CSRNP3: variants seen among roughly 807,000 people sequenced by gnomAD.
CSRNP3 encodes cysteine and serine rich nuclear protein 3.
A neutral mutation model predicts 48.0 loss-of-function variants in CSRNP3; 12 were observed. That is an observed-to-expected ratio of 0.25 (90% CI 0.16 to 0.41). The LOEUF (loss-of-function observed/expected upper bound fraction) is 0.41. Ranked by LOEUF, CSRNP3 falls within the 10% of genes least tolerant of loss-of-function variation. The pLI, the probability that CSRNP3 is intolerant of heterozygous loss-of-function variation, is 1.00. For missense variants in CSRNP3, 580 were observed against 724.4 expected (o/e 0.80, Z 2.29); for synonymous variants, 263 against 269.7 (o/e 0.98, Z 0.24).
intron 4 of CSRNP3, among the ~76,000 whole-genome samples, chr2:165,633,202 T>C (rs1171679601): frequency 6.6e-6 from 1 of 152,178 alleles, no homozygotes; most frequent in East Asian, 1.9e-4. Context: ...GACTTAATAA[T>C]GTAATGTTAT....
At chr2:165,606,194 T>G (rs943386446) in intron 4 of CSRNP3, among the ~76,000 whole-genome samples, 3 of 149,560 alleles carry the variant, frequency 2.0e-5, no homozygotes, top group African/African-American at 7.4e-5. Context: ...ACTGTGAAAA[T>G]TATTATGTAT....
rs1351307025 is a variant in CSRNP3, at chr2:165,679,455, C to G, written c.1460C>G (p.Ala487Gly). The change falls in exon 7 of 7, where the codon GCC (alanine) becomes GGC (glycine). Residue 487 changes from alanine to glycine, a missense_variant. Ala to Gly is a moderately conservative substitution (Grantham distance 60). Coordinates refer to ENST00000651982, the MANE Select transcript of CSRNP3 (RefSeq NM_001172173.2). Reference sequence around the variant, plus strand: ...GACTATGCCCGACAAGCAGAAGAGGCCTATGGTGCCTCCCACTACCCAGCT... The same window carrying G: ...GACTATGCCCGACAAGCAGAAGAGGGCTATGGTGCCTCCCACTACCCAGCT... ...FVDYARQAEE[A>G]YGASHYPAAN... The G allele has an allele frequency of 1.2e-6, 2 of 1,613,232 alleles. No homozygotes were observed. Among genetic ancestry groups the G allele is most frequent in the Non-Finnish European group, 1.7e-6 (2 of 1,179,876 alleles).
chr2:165,483,835 A>G (rs1230912489), intron 1 of CSRNP3, among the ~76,000 whole-genome samples: 1 of 152,154 alleles, frequency 6.6e-6, no homozygotes, highest in African/African-American at 2.4e-5. Flanking sequence ...TATGTCCCCA[A>G]AGCTCCAGCC....
intron 4 of CSRNP3, among the ~76,000 whole-genome samples, chr2:165,605,302 T>G (rs1382165120): frequency 6.6e-6 from 1 of 152,068 alleles, no homozygotes; most frequent in African/African-American, 2.4e-5. Context: ...CAAATTTCCT[T>G]ACCCTAAAAT....
At chr2:165,614,507 T>G (rs1304066093) in intron 4 of CSRNP3, among the ~76,000 whole-genome samples, 3 of 152,200 alleles carry the variant, frequency 2.0e-5, no homozygotes, top group Non-Finnish European at 4.4e-5. Flanking sequence ...CTTTTTCCCG[T>G]TTTTAGAGTA....
chr2:165,504,547 C>T (rs888414132), intron 2 of CSRNP3, among the ~76,000 whole-genome samples: 1 of 152,002 alleles, frequency 6.6e-6, no homozygotes, highest in Non-Finnish European at 1.5e-5. Context: ...CACTTCCATG[C>T]CATGTAACAA....
chr2:165,620,044 A>G (rs567424804), intron 4 of CSRNP3, among the ~76,000 whole-genome samples: 3 of 152,294 alleles, frequency 2.0e-5, no homozygotes, highest in South Asian at 4.1e-4. Context: ...AAGCAAAAAT[A>G]CTTAGTTGCA....
intron 4 of CSRNP3, among the ~76,000 whole-genome samples, chr2:165,637,905 AATGTACTATT>A (rs1553481978): frequency 6.6e-6 from 1 of 152,182 alleles, no homozygotes; most frequent in Non-Finnish European, 1.5e-5. Context: ...TATTTTTTAA[AATGTACTATT>A]ATATAGTTGC....
intron 2 of CSRNP3, among the ~76,000 whole-genome samples, chr2:165,500,420 T>TACAC (rs60600698): frequency 3.9e-4 from 55 of 142,408 alleles, no homozygotes; most frequent in African/African-American, 1.2e-3. Flanking sequence ...CATATATATA[T>TACAC]ACACACACAC....
chr2:165,679,560 A>G lies in CSRNP3; in HGVS notation c.1565A>G (p.His522Arg). The part of the protein sequence containing the change: ...GVPCNSLYPE[H>R]RSNHPQVEFH... Reference sequence around the variant, plus strand: ...CCCTGCAATAGTTTATATCCTGAACACAGGTCCAATCACCCTCAAGTGGAA... The same window carrying G: ...CCCTGCAATAGTTTATATCCTGAACGCAGGTCCAATCACCCTCAAGTGGAA... The change falls in exon 7 of 7, where the codon CAC (histidine) becomes CGC (arginine). Residue 522 changes from histidine to arginine, a missense_variant. Transcript: ENST00000651982. 1 of 1,613,968 alleles carries G rather than the reference A, an allele frequency of 6.2e-7. No homozygotes were observed.
At chr2:165,495,936 G>A (rs1684278268) in intron 2 of CSRNP3, among the ~76,000 whole-genome samples, 1 of 151,902 alleles carries the variant, frequency 6.6e-6, no homozygotes, top group Admixed American at 6.6e-5. Context: ...TATGGCACAT[G>A]TATACCTATG....
At chr2:165,514,932 AT>A (rs896347503) in intron 2 of CSRNP3, among the ~76,000 whole-genome samples, 5 of 152,268 alleles carry the variant, frequency 3.3e-5, no homozygotes, top group Admixed American at 1.3e-4. Context: ...CATGAGATTT[AT>A]TTTTATATCC....
intron 4 of CSRNP3, among the ~76,000 whole-genome samples, 190 bp downstream of exon 4, chr2:165,595,403 CA>C (rs1462126489): frequency 6.6e-6 from 1 of 151,958 alleles, no homozygotes; most frequent in Admixed American, 6.6e-5. Flanking sequence ...TACTTTTTTG[CA>C]GTGGATTATT....
rs186048194 is a variant in CSRNP3 at position 165,529,251 on chromosome 2, G to A, written c.-24+11290G>A. ...ATGAGATTTGGGAGGGGCCAGGGGC[G>A]AAATGATGTGGTTTGGCTGTGTCTC... On this transcript the variant is annotated intron_variant, in intron 3 of 6. Coordinates refer to ENST00000651982, the MANE Select transcript of CSRNP3 (RefSeq NM_001172173.2). 4.0e-4 allele frequency among the ~76,000 whole-genome samples: 61 copies of A among 152,316 alleles called. 1 individual carries two copies. Among genetic ancestry groups the A allele is most frequent in the African/African-American group, 1.1e-3 (46 of 41,568 alleles).
intron 4 of CSRNP3, among the ~76,000 whole-genome samples, chr2:165,596,244 A>G (rs955448626): frequency 1.3e-5 from 2 of 150,904 alleles, no homozygotes; most frequent in African/African-American, 2.4e-5. Flanking sequence ...AATGTAATCT[A>G]TAGTCTAAAG....
intron 4 of CSRNP3, among the ~76,000 whole-genome samples, chr2:165,644,631 C>G (rs181464799): frequency 6.6e-6 from 1 of 152,088 alleles, no homozygotes; most frequent in South Asian, 2.1e-4. Flanking sequence ...AGTATCGAAG[C>G]AAGCATGCTT....
chr2:165,646,245 T>A (rs1194699915), intron 4 of CSRNP3, among the ~76,000 whole-genome samples: 1 of 152,146 alleles, frequency 6.6e-6, no homozygotes, highest in East Asian at 1.9e-4. Context: ...AAAGTTCAAG[T>A]ATGTGGTTTT....
At chr2:165,558,913 T>G (rs1484285331) in intron 3 of CSRNP3, among the ~76,000 whole-genome samples, 2 of 152,168 alleles carry the variant, frequency 1.3e-5, no homozygotes. Flanking sequence ...TTATTAATCT[T>G]CCGATAGGCA....
At chr2:165,578,861 C>T (rs151288416) in intron 3 of CSRNP3, among the ~76,000 whole-genome samples, 183 of 152,170 alleles carry the variant, frequency 1.2e-3, no homozygotes, top group African/African-American at 4.2e-3. Context: ...GTCCCAACTC[C>T]GGAGTTGTTT....
Sources: gnomAD v4.1 joint callset for allele counts (sites outside exome capture counted in the v4.1 genomes callset) on GRCh38, gnomAD v4.1.1 for gene constraint, MANE v1.5 for transcripts, NCBI Gene and HGNC (gene_info 2026-07-23, HGNC 2026-07-21) for gene names.